TNKS: variants seen among roughly 807,000 people sequenced by gnomAD.
TNKS encodes poly [ADP-ribose] polymerase tankyrase-1.
A neutral mutation model predicts 135.8 loss-of-function variants in TNKS; 72 were observed. The ratio of observed to expected loss-of-function variants is 0.53; its 90% CI spans 0.44 to 0.64. The LOEUF (loss-of-function observed/expected upper bound fraction) is 0.64, where lower values mean the gene tolerates loss of function less well. TNKS is among the 30% of genes least tolerant of loss of function. The pLI is 0.00. For synonymous variants in TNKS, 849 were observed against 649.3 expected (o/e 1.31, Z -4.68); for missense variants, 1,769 against 1,674.0 (o/e 1.06, Z -0.99).
chr8:9,698,146 A>G (rs1441016987), intron 5 of TNKS, among the ~76,000 whole-genome samples: 1 of 152,202 alleles, frequency 6.6e-6, no homozygotes, highest in African/African-American at 2.4e-5. Flanking sequence ...GAATTAATGT[A>G]GGAACAGAAA....
chr8:9,644,147 G>A (rs192563930), intron 3 of TNKS, among the ~76,000 whole-genome samples: 1 of 152,232 alleles, frequency 6.6e-6, no homozygotes, highest in African/African-American at 2.4e-5. Context: ...TGTTTAATAG[G>A]TACATTTTCA....
chr8:9,709,257 C>T lies in TNKS; in HGVS notation c.1579-698C>T, dbSNP rs1804200850. On this transcript the variant is annotated intron_variant, in intron 9 of 26. Coordinates refer to ENST00000310430, the MANE Select transcript of TNKS (RefSeq NM_003747.3). ...GGCTAACTATATGTACACTTAAATA[C>T]ATGTCTCTCAAACTAGGGTTGAGAT... Among the ~76,000 whole-genome samples, 3 of 152,144 alleles carry T rather than the reference C, an allele frequency of 2.0e-5. No homozygotes were observed. The South Asian group carries it at 6.2e-4, about 32-fold the overall frequency.
Position 9,765,755 on chromosome 8 carries a change from G to A in TNKS, c.3511G>A (p.Glu1171Lys). Reference protein sequence around the residue: ...RFCHRQKEVSEENHNHHNERM... With the variant: ...RFCHRQKEVSKENHNHHNERM... Reference sequence around the variant, plus strand: ...CTGCCACCGACAGAAGGAAGTGTCTGAGGAGAATCACAACCATCACAATGA... The same window carrying A: ...CTGCCACCGACAGAAGGAAGTGTCTAAGGAGAATCACAACCATCACAATGA... The change falls in exon 24 of 27, where the codon GAG becomes AAG. Residue 1171 changes from glutamate (E) to lysine (K), a missense_variant. Physicochemically the swap from Glu to Lys is moderately conservative, Grantham distance 56. Coordinates refer to ENST00000310430, the MANE Select transcript of TNKS (RefSeq NM_003747.3). The A allele has an allele frequency of 6.2e-7, 1 of 1,614,030 alleles. No homozygotes were observed. Among genetic ancestry groups the A allele is most frequent in the Non-Finnish European group, 8.5e-7 (1 of 1,179,920 alleles).
intron 9 of TNKS, among the ~76,000 whole-genome samples, chr8:9,709,106 T>C (rs1804193831): frequency 6.6e-6 from 1 of 152,214 alleles, no homozygotes; most frequent in South Asian, 2.1e-4. Flanking sequence ...TTTAAGCATA[T>C]GTGATGCCTG....
intron 3 of TNKS, among the ~76,000 whole-genome samples, chr8:9,657,230 GCGGC>G: frequency 7.8e-6 from 1 of 128,190 alleles, no homozygotes. Flanking sequence ...CCCGGACGGG[GCGGC>G]TGGCCGGGCG....
intron 5 of TNKS, among the ~76,000 whole-genome samples, chr8:9,696,998 A>G (rs865859183): frequency 8.5e-5 from 13 of 152,312 alleles, no homozygotes; most frequent in South Asian, 4.1e-4. Flanking sequence ...AGCCAAAGCA[A>G]TCCTAAGCAA....
intron 2 of TNKS, among the ~76,000 whole-genome samples, chr8:9,599,854 A>AT (rs781253993): frequency 6.6e-6 from 1 of 152,134 alleles, no homozygotes; most frequent in Non-Finnish European, 1.5e-5. Flanking sequence ...GCAAAATTGA[A>AT]TTGGAAGATT....
At chr8:9,693,660 G>C (rs1377236009) in intron 5 of TNKS, among the ~76,000 whole-genome samples, 8 of 152,126 alleles carry the variant, frequency 5.3e-5, no homozygotes, top group Non-Finnish European at 1.2e-4. Flanking sequence ...CCTGGACACA[G>C]AAAGATGCAG....
At chr8:9,559,358 G>A in intron 1 of TNKS, among the ~76,000 whole-genome samples, 1 of 152,068 alleles carries the variant, frequency 6.6e-6, no homozygotes, top group African/African-American at 2.4e-5. Context: ...GCCAAGCAAA[G>A]GTTGGAAGGG....
At chr8:9,711,748 C>T (rs528976384) in intron 11 of TNKS, among the ~76,000 whole-genome samples, 13 of 152,016 alleles carry the variant, frequency 8.6e-5, no homozygotes, top group Non-Finnish European at 1.3e-4. Flanking sequence ...AAAATAACTG[C>T]TTTTTTAAAA....
At chr8:9,768,650 G>A (rs1215902014) in intron 25 of TNKS, among the ~76,000 whole-genome samples, 1 of 152,250 alleles carries the variant, frequency 6.6e-6, no homozygotes, top group South Asian at 2.1e-4. Flanking sequence ...CGAGCCCTGG[G>A]GCAGGAAGCA....
intron 3 of TNKS, among the ~76,000 whole-genome samples, chr8:9,658,617 C>G (rs1801540117): frequency 6.6e-6 from 1 of 152,188 alleles, no homozygotes. Context: ...CCGGTAACAG[C>G]CACTGCAAAA....
At chr8:9,764,983 G>A (rs1807348605) in intron 23 of TNKS, among the ~76,000 whole-genome samples, 193 bp downstream of exon 23, 1 of 152,118 alleles carries the variant, frequency 6.6e-6, no homozygotes, top group Non-Finnish European at 1.5e-5. Flanking sequence ...ACTAAAAATA[G>A]AGACATTCTG....
At chr8:9,618,914 T>G (rs1585237854) in intron 3 of TNKS, among the ~76,000 whole-genome samples, 1 of 152,224 alleles carries the variant, frequency 6.6e-6, no homozygotes, top group South Asian at 2.1e-4. Flanking sequence ...TTTTTGTAAT[T>G]TAGTTACATA....
chr8:9,576,248 G>A (rs1447386540), intron 1 of TNKS, among the ~76,000 whole-genome samples: 3 of 152,152 alleles, frequency 2.0e-5, no homozygotes, highest in African/African-American at 7.2e-5. Flanking sequence ...CTGTTGGCCA[G>A]TGTATTAGTC....
At chr8:9,607,196 T>C (rs1799259297) in intron 2 of TNKS, among the ~76,000 whole-genome samples, 1 of 152,232 alleles carries the variant, frequency 6.6e-6, no homozygotes, top group Admixed American at 6.5e-5. Flanking sequence ...GTAACATTTT[T>C]TGAAAAATTG....
At chr8:9,667,807 A>C (rs1340933915) in intron 3 of TNKS, among the ~76,000 whole-genome samples, 1 of 146,552 alleles carries the variant, frequency 6.8e-6, no homozygotes, top group Admixed American at 6.8e-5. Flanking sequence ...GTGAAGTCTG[A>C]TTAATATCCT....
At position 9,657,627 on chromosome 8, in the gene TNKS, C is replaced by T. The variant is rs1201077082; in HGVS notation, c.995-22324C>T. 3.5e-3 allele frequency among the ~76,000 whole-genome samples: 288 copies of T among 82,242 alleles called. 4 individuals carry two copies. Among genetic ancestry groups the T allele is most frequent in the Non-Finnish European group, 5.3e-3 (209 of 39,486 alleles). 54.0% of individuals were successfully genotyped at this position (82,242 alleles called of 152,430 possible). A position where few individuals can be genotyped will look rare whatever the true frequency, so the allele number is the denominator to read the frequency against. Reference sequence around the variant, plus strand: ...CTGACCCCCCTACCTCCCTCCTGGACGGGGCGGCTGGCCGGGTGGGGGGGC... The same window carrying T: ...CTGACCCCCCTACCTCCCTCCTGGATGGGGCGGCTGGCCGGGTGGGGGGGC... On this transcript the variant is annotated intron_variant, in intron 3 of 26. Transcript: ENST00000310430.
chr8:9,754,569 G>C (rs1806737020), intron 20 of TNKS, among the ~76,000 whole-genome samples: 2 of 151,744 alleles, frequency 1.3e-5, no homozygotes, highest in Non-Finnish European at 2.9e-5. Context: ...TTAATGATAA[G>C]AACAGCCGAG....
Sources: gnomAD v4.1 joint callset for allele counts (sites outside exome capture counted in the v4.1 genomes callset) on GRCh38, gnomAD v4.1.1 for gene constraint, MANE v1.5 for transcripts, NCBI Gene and HGNC (gene_info 2026-07-23, HGNC 2026-07-21) for gene names.